WDHD1: variants seen among roughly 807,000 people sequenced by gnomAD.
WDHD1 encodes the protein WD repeat and HMG-box DNA binding protein 1.
In WDHD1, 111 loss-of-function variants were observed where a neutral mutation model predicts 135.4. The ratio of observed to expected loss-of-function variants is 0.82; its 90% CI spans 0.70 to 0.96. WDHD1 has a LOEUF of 0.96. WDHD1 is among the 40% of genes least tolerant of loss of function. The pLI, the probability that WDHD1 is intolerant of heterozygous loss-of-function variation, is 0.00. For missense variants in WDHD1, 1,351 were observed against 1,336.3 expected (o/e 1.01, Z -0.17); for synonymous variants, 434 against 439.0 (o/e 0.99, Z 0.14).
intron 6 of WDHD1, among the ~76,000 whole-genome samples, chr14:55,007,630 T>C (rs1294454207): frequency 1.3e-5 from 2 of 152,182 alleles, no homozygotes; most frequent in African/African-American, 4.8e-5. Flanking sequence ...TGAATAATCA[T>C]ACACACATAC....
intron 21 of WDHD1, among the ~76,000 whole-genome samples, chr14:54,961,617 C>T (rs1440562352): frequency 1.3e-5 from 2 of 152,198 alleles, no homozygotes; most frequent in Admixed American, 1.3e-4. Context: ...CCTACCCATC[C>T]TCCACCACTG....
At chr14:54,948,587 G>A (rs976081032) in intron 24 of WDHD1, among the ~76,000 whole-genome samples, 3 of 152,178 alleles carry the variant, frequency 2.0e-5, no homozygotes, top group Admixed American at 6.5e-5. Context: ...GGGCATAGCC[G>A]AACAAAGGCA....
intron 12 of WDHD1, among the ~76,000 whole-genome samples, chr14:54,990,349 G>A (rs2041764142): frequency 6.6e-6 from 1 of 152,090 alleles, no homozygotes; most frequent in Non-Finnish European, 1.5e-5. Context: ...TGTAATCCCA[G>A]CACTTTGGGA....
At chr14:54,953,116 T>C (rs1427502375) in intron 24 of WDHD1, among the ~76,000 whole-genome samples, 2 of 152,120 alleles carry the variant, frequency 1.3e-5, no homozygotes, top group Non-Finnish European at 2.9e-5. Flanking sequence ...AAAGCCAAAA[T>C]TGACAGATGG....
chr14:54,997,661 C>G (rs1427154721), intron 10 of WDHD1, among the ~76,000 whole-genome samples: 1 of 151,352 alleles, frequency 6.6e-6, no homozygotes, highest in African/African-American at 2.4e-5. Context: ...GCCTGTAATC[C>G]CAGCACTTTG....
At chr14:55,020,802 T>C (rs559991146) in intron 2 of WDHD1, among the ~76,000 whole-genome samples, 36 of 152,318 alleles carry the variant, frequency 2.4e-4, no homozygotes, top group African/African-American at 7.7e-4. Flanking sequence ...GAAGCCTTAC[T>C]GATAACATAA....
intron 14 of WDHD1, 120 bp from the exon 15 acceptor site, chr14:54,984,980 T>C: frequency 1.6e-6 from 2 of 1,265,656 alleles, no homozygotes; most frequent in Admixed American, 5.4e-5. Context: ...CACTACTTTT[T>C]ATGAATAACC....
At chr14:55,015,405 A>AAAT in intron 2 of WDHD1, among the ~76,000 whole-genome samples, 1 of 139,562 alleles carries the variant, frequency 7.2e-6, no homozygotes, top group South Asian at 2.3e-4. Flanking sequence ...AAAAAAAAAA[A>AAAT]GGCTAGGGTG....
intron 16 of WDHD1, among the ~76,000 whole-genome samples, chr14:54,976,625 T>A (rs2041528778): frequency 1.3e-5 from 2 of 152,184 alleles, no homozygotes; most frequent in Non-Finnish European, 2.9e-5. Context: ...AGGAAATGAA[T>A]CATCTCTAAA....
intron 2 of WDHD1, among the ~76,000 whole-genome samples, chr14:55,017,344 T>TC (rs1401095213): frequency 6.9e-6 from 1 of 144,950 alleles, no homozygotes; most frequent in Non-Finnish European, 1.6e-5. Flanking sequence ...AAATCAATAT[T>TC]CTTTTTTTTT....
intron 18 of WDHD1, among the ~76,000 whole-genome samples, chr14:54,965,305 A>C (rs1426993210): frequency 2.0e-5 from 3 of 152,216 alleles, no homozygotes; most frequent in Non-Finnish European, 4.4e-5. Flanking sequence ...GAGTGGGGAC[A>C]CAAGCACAGG....
chr14:55,007,416 T>TC (rs778772865), intron 6 of WDHD1, 41 bp from the exon 7 acceptor site: 13 of 1,412,388 alleles, frequency 9.2e-6, no homozygotes, highest in South Asian at 2.5e-5. Flanking sequence ...TTTATGAAAA[T>TC]CCCCCCCAAA....
chr14:55,014,301 G>A (rs2042224918), intron 2 of WDHD1, among the ~76,000 whole-genome samples: 1 of 152,160 alleles, frequency 6.6e-6, no homozygotes, highest in Admixed American at 6.5e-5. Flanking sequence ...CGTTGCCCAG[G>A]CTGGTCTTGA....
chr14:54,992,130 T>C (rs1317686912), intron 11 of WDHD1, among the ~76,000 whole-genome samples: 1 of 151,582 alleles, frequency 6.6e-6, no homozygotes. Context: ...TGGTGGCACA[T>C]GCCTGTAATC....
At chr14:55,025,834 T>C (rs190700919) in intron 2 of WDHD1, among the ~76,000 whole-genome samples, 32 of 152,310 alleles carry the variant, frequency 2.1e-4, no homozygotes, top group Admixed American at 1.4e-3. Context: ...GTATTGCCTC[T>C]GCTTACTATG....
chr14:55,026,028 T>C (rs1027326686), intron 2 of WDHD1, among the ~76,000 whole-genome samples: 1 of 152,238 alleles, frequency 6.6e-6, no homozygotes, highest in Non-Finnish European at 1.5e-5. Context: ...AAATACACAT[T>C]TATTTTTGTG....
Position 54,941,587 on chromosome 14 carries a change from T to G in WDHD1, c.3293A>C (p.Glu1098Ala), listed in dbSNP as rs751272929. The G allele has an allele frequency of 1.2e-6, 2 of 1,614,054 alleles. No individual in the cohort carries two copies. Among genetic ancestry groups the G allele is most frequent in the Admixed American group, 1.7e-5 (1 of 60,022 alleles). The change falls in exon 26 of 26, where the codon GAA (glutamate) becomes GCA (alanine). Residue 1098 changes from glutamate (E) to alanine (A), a missense_variant. Glu to Ala is a moderately radical substitution (Grantham distance 107). Coordinates refer to ENST00000360586, the MANE Select transcript of WDHD1 (RefSeq NM_007086.4). ...DESDETENQEEKAKENLNLSK... is the reference protein window; with the variant it reads ...DESDETENQEAKAKENLNLSK... ...CAAATTCAGGTTCTCTTTTGCTTTT[T>G]CTTCCTGGTTTTCTGTTTCATCACT...
intron 24 of WDHD1, among the ~76,000 whole-genome samples, chr14:54,944,820 C>G (rs890349448): frequency 2.0e-5 from 3 of 151,976 alleles, no homozygotes; most frequent in Non-Finnish European, 2.9e-5. Flanking sequence ...GTTGGTCAGG[C>G]TGGTCTCAAA....
At chr14:55,007,471 T>A in intron 6 of WDHD1, 96 bp from the exon 7 acceptor site, 1 of 896,280 alleles carries the variant, frequency 1.1e-6, no homozygotes. Context: ...CAAATCAATA[T>A]ATATCTCAGA....
Sources: allele counts gnomAD v4.1 joint callset (sites outside exome capture counted in the v4.1 genomes callset), GRCh38; gene constraint gnomAD v4.1.1; transcripts MANE v1.5; gene names NCBI Gene and HGNC (gene_info 2026-07-23, HGNC 2026-07-21).